PTPRD: variants seen among roughly 807,000 people sequenced by gnomAD.
PTPRD encodes protein tyrosine phosphatase receptor type D.
In PTPRD, 34 loss-of-function variants were observed where a neutral mutation model predicts 214.5. The ratio of observed to expected loss-of-function variants is 0.16; its 90% CI spans 0.12 to 0.21. The LOEUF (loss-of-function observed/expected upper bound fraction) is 0.21, where lower values mean the gene tolerates loss of function less well. PTPRD is among the 10% of genes least tolerant of loss of function. The pLI, the probability that PTPRD is intolerant of heterozygous loss-of-function variation, is 1.00. For missense variants in PTPRD, 2,545 were observed against 2,398.7 expected (o/e 1.06, Z -1.27); for synonymous variants, 1,128 against 845.7 (o/e 1.33, Z -5.79).
chr9:10,575,278 T>C (rs945191011), intron 2 of PTPRD, among the ~76,000 whole-genome samples: 1 of 151,928 alleles, frequency 6.6e-6, no homozygotes, highest in Admixed American at 6.6e-5. Context: ...AAACAAACAA[T>C]CTTGAAGAAT....
chr9:9,597,800 A>G (rs1221358479), intron 7 of PTPRD, among the ~76,000 whole-genome samples: 1 of 152,200 alleles, frequency 6.6e-6, no homozygotes, highest in Non-Finnish European at 1.5e-5. Flanking sequence ...GAATATACAT[A>G]TTCATTTGAG....
In PTPRD at chr9:9,544,281, G is replaced by A. The variant is rs145558904; in HGVS notation, c.-237+30451C>T. Among the ~76,000 whole-genome samples the A allele has an allele frequency of 7.3e-5, 11 of 151,546 alleles. No individual in the cohort carries two copies. The East Asian group carries it at 1.4e-3, about 19-fold the overall frequency. ...AACCATTTGTAATATTAATTTCTGC[G>A]ACATTTTAATTAATTGAATTAAAAG... On this transcript the variant is annotated intron_variant, in intron 8 of 45. Coordinates refer to ENST00000381196, the MANE Select transcript of PTPRD (RefSeq NM_002839.4).
At chr9:10,074,573 T>G (rs1400217961) in intron 3 of PTPRD, among the ~76,000 whole-genome samples, 1 of 152,100 alleles carries the variant, frequency 6.6e-6, no homozygotes, top group Non-Finnish European at 1.5e-5. Flanking sequence ...CACAGACACA[T>G]TCTATTTTCA....
intron 2 of PTPRD, among the ~76,000 whole-genome samples, chr9:10,498,595 G>C (rs1472378611): frequency 6.6e-6 from 1 of 151,634 alleles, no homozygotes; most frequent in Non-Finnish European, 1.5e-5. Context: ...ATTTTTGTAT[G>C]AACCAACATT....
intron 8 of PTPRD, among the ~76,000 whole-genome samples, chr9:9,474,233 C>A (rs1488851092): frequency 6.6e-6 from 1 of 152,018 alleles, no homozygotes; most frequent in African/African-American, 2.4e-5. Flanking sequence ...AACGTATCTT[C>A]TTGGTACCTC....
intron 10 of PTPRD, among the ~76,000 whole-genome samples, chr9:9,181,796 C>G (rs917052728): frequency 6.6e-6 from 1 of 151,872 alleles, no homozygotes; most frequent in African/African-American, 2.4e-5. Flanking sequence ...TGAAATATTT[C>G]TATTAGCACT....
intron 10 of PTPRD, among the ~76,000 whole-genome samples, chr9:9,079,875 A>G (rs1234555813): frequency 1.3e-5 from 2 of 152,096 alleles, no homozygotes; most frequent in African/African-American, 4.8e-5. Flanking sequence ...AGTTTACCAG[A>G]TTAATACATT....
intron 10 of PTPRD, among the ~76,000 whole-genome samples, chr9:9,140,374 T>TA: frequency 6.6e-6 from 1 of 152,302 alleles, no homozygotes; most frequent in Non-Finnish European, 1.5e-5. Flanking sequence ...CTATTTTTTT[T>TA]ATACTTGTCT....
In PTPRD at chr9:8,335,959, G is replaced by A. The variant is rs531582593; in HGVS notation, c.5379+2963C>T. 9.9e-5 allele frequency among the ~76,000 whole-genome samples: 15 copies of A among 152,264 alleles called. No individual in the cohort carries two copies. The East Asian group carries it at 2.7e-3, about 27-fold the overall frequency. ...TGCAAACCACTGCTCAAGGAAATAA[G>A]AGAGGACACAAATGGAAGAACATTC... On this transcript the variant is annotated intron_variant, in intron 43 of 45. Transcript: ENST00000381196.
intron 3 of PTPRD, among the ~76,000 whole-genome samples, chr9:10,177,406 A>G (rs986747988): frequency 1.3e-5 from 2 of 151,540 alleles, no homozygotes; most frequent in African/African-American, 4.8e-5. Context: ...TGCTAGAATA[A>G]TGAGTTTGTG....
chr9:8,628,310 C>T (rs940206560), intron 14 of PTPRD, among the ~76,000 whole-genome samples: 3 of 151,832 alleles, frequency 2.0e-5, no homozygotes, highest in Non-Finnish European at 4.4e-5. Flanking sequence ...ACTGCCTTCT[C>T]CCTGAAAGAT....
chr9:8,739,354 C>A (rs2091320560), intron 11 of PTPRD, among the ~76,000 whole-genome samples: 1 of 152,242 alleles, frequency 6.6e-6, no homozygotes, highest in Non-Finnish European at 1.5e-5. Context: ...CAAGAATCTT[C>A]CAGTACTGAC....
At chr9:9,923,896 G>A (rs2083387364) in intron 5 of PTPRD, among the ~76,000 whole-genome samples, 1 of 151,926 alleles carries the variant, frequency 6.6e-6, no homozygotes, top group Admixed American at 6.6e-5. Context: ...AACAAAGACA[G>A]GGAGTCTTAG....
chr9:9,199,462 G>A (rs1420894026), intron 9 of PTPRD, among the ~76,000 whole-genome samples: 2 of 152,224 alleles, frequency 1.3e-5, no homozygotes, highest in East Asian at 3.9e-4. Context: ...ATCTCTACTG[G>A]TAGAATTCAC....
chr9:10,305,945 T>G (rs1454654737), intron 3 of PTPRD, among the ~76,000 whole-genome samples: 1 of 152,062 alleles, frequency 6.6e-6, no homozygotes, highest in Non-Finnish European at 1.5e-5. Flanking sequence ...GGATTATAAA[T>G]TATTCTACTA....
intron 2 of PTPRD, among the ~76,000 whole-genome samples, chr9:10,541,209 A>G (rs920004262): frequency 1.3e-5 from 2 of 152,204 alleles, no homozygotes; most frequent in African/African-American, 4.8e-5. Context: ...AAATGCTGAT[A>G]TAAGAAAAGA....
chr9:10,296,258 T>C (rs1397014617), intron 3 of PTPRD, among the ~76,000 whole-genome samples: 1 of 152,068 alleles, frequency 6.6e-6, no homozygotes, highest in East Asian at 1.9e-4. Flanking sequence ...AACCCAATAG[T>C]CACATAAGTA....
intron 5 of PTPRD, among the ~76,000 whole-genome samples, chr9:9,816,529 T>C (rs1373272171): frequency 6.6e-6 from 1 of 152,072 alleles, no homozygotes; most frequent in Non-Finnish European, 1.5e-5. Context: ...TATAGTTGAA[T>C]ATATATTTGA....
chr9:9,896,135 G>C (rs2074911163), intron 5 of PTPRD, among the ~76,000 whole-genome samples: 1 of 151,926 alleles, frequency 6.6e-6, no homozygotes, highest in South Asian at 2.1e-4. Flanking sequence ...GGGAGCTGAA[G>C]TCTTCTCTAA....
Sources: allele counts gnomAD v4.1 joint callset (sites outside exome capture counted in the v4.1 genomes callset), GRCh38; gene constraint gnomAD v4.1.1; transcripts MANE v1.5; gene names NCBI Gene and HGNC (gene_info 2026-07-23, HGNC 2026-07-21).